GAB1: variants seen among roughly 807,000 people sequenced by gnomAD.
GAB1 encodes GRB2 associated binding protein 1, also known as GRB2-associated-binding protein 1.
A neutral mutation model predicts 66.5 loss-of-function variants in GAB1; 19 were observed. The observed-to-expected ratio is 0.29, with a 90% CI of 0.20 to 0.42. The LOEUF is 0.42. Ranked by LOEUF, GAB1 falls within the 10% of genes least tolerant of loss-of-function variation. GAB1 has a pLI of 1.00. For missense variants in GAB1, 732 were observed against 858.5 expected (o/e 0.85, Z 1.84); for synonymous variants, 294 against 301.4 (o/e 0.98, Z 0.25).
chr4:143,380,325 A>T (rs1319623768), intron 1 of GAB1, among the ~76,000 whole-genome samples: 1 of 152,124 alleles, frequency 6.6e-6, no homozygotes, highest in Non-Finnish European at 1.5e-5. Context: ...AAATCAAACT[A>T]ATTTATATGC....
In GAB1 at chr4:143,459,711, T is replaced by C. The variant is rs147976708; in HGVS notation, c.1679+233T>C. On this transcript the variant is annotated intron_variant, in intron 7 of 9. Transcript: ENST00000262994. ...AGTTTTCCAGAGGCTACATGATAAG[T>C]GATGAGATCATTGTGACACCCAATA... Among the ~76,000 whole-genome samples, 853 of 152,256 alleles carry C rather than the reference T, an allele frequency of 5.6e-3. 10 individuals are homozygous for C. The highest frequency in any genetic ancestry group is 0.019 in the African/African-American group (800 of 41,568).
chr4:143,380,965 A>G (rs1431585209), intron 1 of GAB1, among the ~76,000 whole-genome samples: 2 of 152,106 alleles, frequency 1.3e-5, no homozygotes, highest in African/African-American at 4.8e-5. Context: ...CTCCCTCTCC[A>G]TGTTCTTCCC....
chr4:143,349,858 G>T, intron 1 of GAB1: 1 of 1,582,176 alleles, frequency 6.3e-7, no homozygotes, highest in South Asian at 1.1e-5. Flanking sequence ...CTTGAGAGAG[G>T]CCCCCAGGAA....
At chr4:143,422,432 T>C (rs1322387674) in intron 2 of GAB1, among the ~76,000 whole-genome samples, 1 of 152,182 alleles carries the variant, frequency 6.6e-6, no homozygotes, top group Non-Finnish European at 1.5e-5. Context: ...AGTTTTATTA[T>C]TATATGCTCA....
Position 143,373,868 on chromosome 4 carries a change from A to AATAAATAAATATATATATATATAT in GAB1, c.72+36611_72+36612insAATAAATATATATATATATATATA. On this transcript the variant is annotated intron_variant, in intron 1 of 9. Coordinates refer to ENST00000262994, the MANE Select transcript of GAB1 (RefSeq NM_002039.4). ...CTCTCTCTCTCTCTGTAAATAAATA[A>AATAAATAAATATATATATATATAT]ATATATATATATATATATTTTTACC... is the stretch of plus-strand genomic sequence containing the variant. Among the ~76,000 whole-genome samples the AATAAATAAATATATATATATATAT allele has an allele frequency of 2.9e-3, 269 of 93,642 alleles. 1 individual carries two copies. Among genetic ancestry groups the AATAAATAAATATATATATATATAT allele is most frequent in the Middle Eastern group, 6.3e-3 (1 of 160 alleles). 61.4% of individuals were successfully genotyped at this position (93,642 alleles called of 152,430 possible).
At chr4:143,427,375 C>T (rs912787327) in intron 2 of GAB1, among the ~76,000 whole-genome samples, 10 of 152,194 alleles carry the variant, frequency 6.6e-5, no homozygotes, top group African/African-American at 2.4e-4. Context: ...GCTCCGGTTG[C>T]ATGACTGTTT....
chr4:143,359,453 G>A (rs900492728), intron 1 of GAB1, among the ~76,000 whole-genome samples: 17 of 152,108 alleles, frequency 1.1e-4, no homozygotes, highest in Non-Finnish European at 1.0e-4. Flanking sequence ...CTCCTCCCTC[G>A]GTGTATAATG....
Position 143,460,457 on chromosome 4 carries a change from C to T in GAB1, c.1773C>T (p.Pro591=). Residue 591 remains proline (P), a synonymous_variant, in exon 8 of 10, where the codon CCC becomes CCT. Coordinates refer to ENST00000262994, the MANE Select transcript of GAB1 (RefSeq NM_002039.4). Reference sequence around the variant, plus strand: ...ACGACAGTGAAGAGAATTATGTTCCCATGAACCCAAACCTGTCCAGTGAAG... The same window carrying T: ...ACGACAGTGAAGAGAATTATGTTCCTATGAACCCAAACCTGTCCAGTGAAG... ...DSHDSEENYV[P]MNPNLSSEDP... 6.2e-7 allele frequency: 1 copy of T among 1,613,802 alleles called. No individual in the cohort carries two copies. Among genetic ancestry groups the T allele is most frequent in the Non-Finnish European group, 8.5e-7 (1 of 1,179,768 alleles).
At chr4:143,468,145 A>G in intron 9 of GAB1, among the ~76,000 whole-genome samples, 1 of 151,962 alleles carries the variant, frequency 6.6e-6, no homozygotes, top group Non-Finnish European at 1.5e-5. Flanking sequence ...TTAAGATGAA[A>G]CAGGCATCTG....
chr4:143,385,021 G>A (rs1198370670), intron 1 of GAB1, among the ~76,000 whole-genome samples: 1 of 152,148 alleles, frequency 6.6e-6, no homozygotes, highest in Non-Finnish European at 1.5e-5. Flanking sequence ...ATAACACAGT[G>A]GCTTGTCCTT....
chr4:143,390,290 C>A (rs543911763), intron 1 of GAB1, among the ~76,000 whole-genome samples: 1 of 151,778 alleles, frequency 6.6e-6, no homozygotes, highest in African/African-American at 2.4e-5. Context: ...GTGGGCAAAC[C>A]AAATATAATT....
chr4:143,366,216 A>G (rs1230353627), intron 1 of GAB1, among the ~76,000 whole-genome samples: 1 of 152,190 alleles, frequency 6.6e-6, no homozygotes, highest in Non-Finnish European at 1.5e-5. Context: ...TCATTTGCGT[A>G]TTTCCTTGTT....
intron 1 of GAB1, among the ~76,000 whole-genome samples, chr4:143,396,666 C>T (rs1004483822): frequency 7.2e-5 from 11 of 152,084 alleles, no homozygotes; most frequent in Non-Finnish European, 1.5e-4. Context: ...CTTTCAGTGT[C>T]CTGATAAGAG....
intron 6 of GAB1, among the ~76,000 whole-genome samples, chr4:143,442,246 G>A (rs1342762430): frequency 1.3e-5 from 2 of 152,144 alleles, no homozygotes. Context: ...TTATTTTCCA[G>A]TAACGAGTGC....
rs368753740 is a variant in GAB1 at position 143,337,375 on chromosome 4, G to GTC, written c.72+119_72+120dup. On this transcript the variant is annotated intron_variant, in intron 1 of 9. Coordinates refer to ENST00000262994, the MANE Select transcript of GAB1 (RefSeq NM_002039.4). ...GGGGCTGGTTCTTAAACGAATGCCG[G>GTC]TCTCTTTCCCCTTGGCCCCTACCCC... 1.1e-4 allele frequency: 93 copies of GTC among 872,320 alleles called. No homozygotes were observed. In the African/African-American group the frequency reaches 1.3e-3, roughly 12 times the overall value. 54.0% of individuals were successfully genotyped at this position (872,320 alleles called of 1,614,324 possible).
intron 1 of GAB1, among the ~76,000 whole-genome samples, chr4:143,402,265 G>C (rs1243365527): frequency 1.3e-5 from 2 of 152,120 alleles, no homozygotes; most frequent in Admixed American, 1.3e-4. Context: ...AGGCGATCCA[G>C]GTTGATTGAA....
At chr4:143,424,005 T>G (rs966764022) in intron 2 of GAB1, among the ~76,000 whole-genome samples, 5 of 151,506 alleles carry the variant, frequency 3.3e-5, no homozygotes, top group Non-Finnish European at 7.4e-5. Flanking sequence ...ATGGTCCTAT[T>G]GTGTTAATAA....
intron 8 of GAB1, among the ~76,000 whole-genome samples, chr4:143,463,183 C>A (rs1274285682): frequency 6.6e-6 from 1 of 151,986 alleles, no homozygotes; most frequent in Non-Finnish European, 1.5e-5. Flanking sequence ...AATTTTGGAT[C>A]AAAAATCATG....
intron 1 of GAB1, among the ~76,000 whole-genome samples, chr4:143,338,645 A>G (rs1238696737): frequency 6.6e-6 from 1 of 152,092 alleles, no homozygotes; most frequent in Non-Finnish European, 1.5e-5. Context: ...TAAAAATGCT[A>G]ACTTTATTCC....
Sources: gnomAD v4.1 joint callset for allele counts (sites outside exome capture counted in the v4.1 genomes callset) on GRCh38, gnomAD v4.1.1 for gene constraint, MANE v1.5 for transcripts, NCBI Gene and HGNC (gene_info 2026-07-23, HGNC 2026-07-21) for gene names.